RBM19: variants seen among roughly 807,000 people sequenced by gnomAD.
RBM19 encodes RNA binding motif protein 19, also known as probable RNA-binding protein 19.
In RBM19, 94 loss-of-function variants were observed where a neutral mutation model predicts 116.8. That is an observed-to-expected ratio of 0.80 (90% CI 0.68 to 0.95). The LOEUF (loss-of-function observed/expected upper bound fraction) is 0.95, where lower values mean the gene tolerates loss of function less well. Among genes scored for constraint, RBM19 ranks in the 40% least tolerant of loss-of-function variants. The probability of loss-of-function intolerance (pLI) is 0.00; values close to 1 mark genes in which losing one functional copy is unlikely to be tolerated. For synonymous variants in RBM19, 475 were observed against 494.1 expected (o/e 0.96, Z 0.51); for missense variants, 1,161 against 1,220.7 (o/e 0.95, Z 0.73).
intron 15 of RBM19, chr12:113,937,342 G>A: frequency 2.1e-6 from 1 of 486,320 alleles, no homozygotes; most frequent in South Asian, 3.3e-5. Flanking sequence ...ATCTCAGGGT[G>A]CAGGAGAGAG....
chr12:113,928,297 A>G (rs1869290206), intron 16 of RBM19, among the ~76,000 whole-genome samples: 1 of 152,122 alleles, frequency 6.6e-6, no homozygotes, highest in African/African-American at 2.4e-5. Context: ...AGATCATGCC[A>G]CTGCACTCCA....
intron 14 of RBM19, among the ~76,000 whole-genome samples, chr12:113,941,441 G>A (rs1259909031): frequency 6.6e-6 from 1 of 151,556 alleles, no homozygotes; most frequent in East Asian, 1.9e-4. Flanking sequence ...TGCTTTCACA[G>A]AGTGGCCATG....
chr12:113,916,708 A>C (rs537049213), intron 20 of RBM19, among the ~76,000 whole-genome samples: 1 of 152,326 alleles, frequency 6.6e-6, no homozygotes, highest in African/African-American at 2.4e-5. Context: ...AGAGATCCCC[A>C]AGGTGAGGAA....
chr12:113,838,461 A>C (rs1876158317), intron 23 of RBM19, among the ~76,000 whole-genome samples: 2 of 152,222 alleles, frequency 1.3e-5, no homozygotes, highest in Non-Finnish European at 2.9e-5. Flanking sequence ...TGCAAACAAC[A>C]TGGGGAGAGC....
chr12:113,872,460 G>A (rs1362164708), intron 21 of RBM19, among the ~76,000 whole-genome samples: 10 of 139,128 alleles, frequency 7.2e-5, no homozygotes, highest in Admixed American at 2.1e-4. Flanking sequence ...CTGCTCGGCC[G>A]CCCCTACTGG....
At position 113,859,398 on chromosome 12, in the gene RBM19, C is replaced by A. The variant is rs76268012; in HGVS notation, c.2559-502G>T. ...CAGGCTGAGCAAATGGGATGGGGCC[C>A]TTTCTCCTGGACCTGGGACCTGGGA... On this transcript the variant is annotated intron_variant, in intron 21 of 23. Coordinates refer to ENST00000261741, the MANE Select transcript of RBM19 (RefSeq NM_016196.4). Among the ~76,000 whole-genome samples the A allele has an allele frequency of 4.6e-3, 696 of 152,340 alleles. 8 individuals carry two copies. The highest frequency in any genetic ancestry group is 0.016 in the African/African-American group (651 of 41,582).
chr12:113,950,432 G>A (rs1000939737), intron 8 of RBM19, among the ~76,000 whole-genome samples: 1 of 152,116 alleles, frequency 6.6e-6, no homozygotes, highest in African/African-American at 2.4e-5. Context: ...CTCCCTCCAA[G>A]CCTCACCCCC....
intron 21 of RBM19, among the ~76,000 whole-genome samples, chr12:113,891,574 C>T (rs769114607): frequency 2.6e-4 from 40 of 152,192 alleles, no homozygotes; most frequent in Non-Finnish European, 5.3e-4. Flanking sequence ...GTCATGTTCA[C>T]TTACTTGAGG....
intron 22 of RBM19, among the ~76,000 whole-genome samples, chr12:113,848,389 C>T (rs1431821261): frequency 1.3e-5 from 2 of 152,256 alleles, no homozygotes; most frequent in Non-Finnish European, 2.9e-5. Context: ...CAAGTGCCCA[C>T]TGCCTGGGTG....
At chr12:113,891,970 G>A (rs1242309562) in intron 21 of RBM19, among the ~76,000 whole-genome samples, 1 of 152,174 alleles carries the variant, frequency 6.6e-6, no homozygotes, top group Non-Finnish European at 1.5e-5. Flanking sequence ...CTGCTTGTAT[G>A]TGACAACGCA....
intron 21 of RBM19, among the ~76,000 whole-genome samples, chr12:113,882,044 T>A (rs12370829): frequency 2.0e-5 from 3 of 152,128 alleles, no homozygotes; most frequent in East Asian, 3.9e-4. Context: ...CAGGCCCCCA[T>A]GGGCAAGTCA....
intron 21 of RBM19, among the ~76,000 whole-genome samples, chr12:113,867,625 A>G (rs1878922231): frequency 6.6e-6 from 1 of 152,222 alleles, no homozygotes; most frequent in Non-Finnish European, 1.5e-5. Flanking sequence ...TTAAATAAAA[A>G]TTAGGAAATT....
intron 1 of RBM19, among the ~76,000 whole-genome samples, chr12:113,963,500 C>T (rs1281176825): frequency 6.6e-6 from 1 of 152,190 alleles, no homozygotes; most frequent in East Asian, 1.9e-4. Context: ...TCTGAGGTAG[C>T]TTCTTACTAA....
intron 11 of RBM19, 140 bp from the exon 12 acceptor site, chr12:113,946,615 T>C: frequency 2.7e-6 from 3 of 1,118,354 alleles, no homozygotes; most frequent in East Asian, 5.1e-5. Flanking sequence ...GGAGGTCAGG[T>C]AGAACGTGGC....
rs943188814 is a variant in RBM19, at chr12:113,959,352, G to A, written c.431C>T (p.Ala144Val). The stretch of plus-strand genomic sequence containing the variant: ...ATCATTCGCCCAAGTGGCTGCCTGC[G>A]CCCGCCTCTGATGAACTGACAGAAA... ...QEFLSVHQRR[A>V]QAATWANDGL... Residue 144 changes from alanine to valine, a missense_variant, in exon 5 of 24, where the codon GCG (alanine) becomes GTG (valine). Coordinates refer to ENST00000261741, the MANE Select transcript of RBM19 (RefSeq NM_016196.4). The A allele has an allele frequency of 6.2e-6, 10 of 1,613,118 alleles. No homozygotes were observed. The highest frequency in any genetic ancestry group is 1.3e-5 in the African/African-American group (1 of 75,046).
intron 21 of RBM19, among the ~76,000 whole-genome samples, chr12:113,897,191 T>C (rs1052918938): frequency 1.3e-5 from 2 of 152,206 alleles, no homozygotes; most frequent in Admixed American, 6.5e-5. Flanking sequence ...TTTTTTGAGA[T>C]AGAGTCTCGC....
intron 18 of RBM19, among the ~76,000 whole-genome samples, chr12:113,922,031 A>T (rs1868622926): frequency 6.6e-6 from 1 of 152,082 alleles, no homozygotes; most frequent in African/African-American, 2.4e-5. Flanking sequence ...ATCCTTCCAC[A>T]TGTCCCCACC....
At chr12:113,933,277 C>G (rs1280373828) in intron 16 of RBM19, among the ~76,000 whole-genome samples, 1 of 151,496 alleles carries the variant, frequency 6.6e-6, no homozygotes, top group African/African-American at 2.4e-5. Flanking sequence ...CTGAGTCCCC[C>G]CAGCCCTCGT....
intron 23 of RBM19, among the ~76,000 whole-genome samples, chr12:113,831,012 C>A (rs1875364689): frequency 6.6e-6 from 1 of 152,136 alleles, no homozygotes; most frequent in Non-Finnish European, 1.5e-5. Flanking sequence ...GAGGGCTATG[C>A]ATTGTGCGTA....
Sources: gnomAD v4.1 joint callset for allele counts (sites outside exome capture counted in the v4.1 genomes callset) on GRCh38, gnomAD v4.1.1 for gene constraint, MANE v1.5 for transcripts, NCBI Gene and HGNC (gene_info 2026-07-23, HGNC 2026-07-21) for gene names.